LAMA2: variants seen among roughly 807,000 people sequenced by gnomAD.
The protein encoded by LAMA2 is laminin subunit alpha-2.
Under a neutral mutation model 364.8 loss-of-function variants are expected in LAMA2, and 269 were observed. That is an observed-to-expected ratio of 0.74 (90% CI 0.67 to 0.82). The LOEUF (loss-of-function observed/expected upper bound fraction) is 0.82. Among genes scored for constraint, LAMA2 ranks in the 40% least tolerant of loss-of-function variants. LAMA2 has a pLI of 0.00. For missense variants in LAMA2, 3,807 were observed against 3,873.2 expected (o/e 0.98, Z 0.45); for synonymous variants, 1,379 against 1,370.6 (o/e 1.01, Z -0.14).
At chr6:129,237,736 A>G (rs77108092) in intron 12 of LAMA2, among the ~76,000 whole-genome samples, 3,625 of 152,242 alleles carry the variant, frequency 0.024, 142 homozygotes, top group African/African-American at 0.083. Flanking sequence ...TTTAACAGAT[A>G]TTGCCAAATT....
chr6:129,022,401 C>T (rs1288870796), intron 1 of LAMA2, among the ~76,000 whole-genome samples: 1 of 152,110 alleles, frequency 6.6e-6, no homozygotes, highest in Admixed American at 6.6e-5. Flanking sequence ...TTGGCAGGCT[C>T]TCATTGTGTA....
intron 1 of LAMA2, among the ~76,000 whole-genome samples, chr6:128,971,081 C>A (rs1040093381): frequency 2.0e-5 from 3 of 152,142 alleles, no homozygotes; most frequent in African/African-American, 7.2e-5. Context: ...TTAGCTTTGA[C>A]CATCAAGAAG....
intron 12 of LAMA2, among the ~76,000 whole-genome samples, chr6:129,221,422 A>G (rs1356175549): frequency 1.3e-5 from 2 of 151,662 alleles, no homozygotes; most frequent in Non-Finnish European, 2.9e-5. Context: ...AAAATCAACA[A>G]TAAACATTTT....
rs116838228 is a variant in LAMA2, at chr6:129,453,222, G to A, written c.6573+91G>A. 708 of 1,201,478 alleles carry A rather than the reference G, an allele frequency of 5.9e-4. 5 individuals are homozygous for A. In the African/African-American group the frequency reaches 9.3e-3, roughly 16 times the overall value. 74.4% of individuals were successfully genotyped at this position (1,201,478 alleles called of 1,614,324 possible). A position where few individuals can be genotyped will look rare whatever the true frequency, so the allele number is the denominator to read the frequency against. On this transcript the variant is annotated intron_variant, in intron 46 of 64. Coordinates refer to ENST00000421865, the MANE Select transcript of LAMA2 (RefSeq NM_000426.4). ...TGTATAGAATCCCCAAATGTATATG[G>A]TCCCCAAATGGTCTAACGTAGGCTT...
chr6:129,063,712 A>G (rs544678243), intron 3 of LAMA2, among the ~76,000 whole-genome samples: 1 of 152,280 alleles, frequency 6.6e-6, no homozygotes, highest in African/African-American at 2.4e-5. Context: ...ACAGCTACAG[A>G]GATCACACTC....
At chr6:128,943,604 A>G (rs918173978) in intron 1 of LAMA2, among the ~76,000 whole-genome samples, 1 of 152,096 alleles carries the variant, frequency 6.6e-6, no homozygotes, top group African/African-American at 2.4e-5. Context: ...TCGTCCATAT[A>G]TTTTTGAAAA....
chr6:129,492,165 T>A (rs1228341633), intron 57 of LAMA2, 88 bp downstream of exon 57: 7 of 1,408,700 alleles, frequency 5.0e-6, no homozygotes. Flanking sequence ...TGTCTACAGC[T>A]ATGCAGGGGA....
At chr6:129,337,871 A>G (rs1163381353) in intron 29 of LAMA2, among the ~76,000 whole-genome samples, 10 of 152,266 alleles carry the variant, frequency 6.6e-5, no homozygotes, top group East Asian at 1.9e-4. Flanking sequence ...TAATTTTTAT[A>G]TAAGAAAAAA....
rs571161334 is a variant in LAMA2, at chr6:129,063,313, T to C, written c.396+3417T>C. ...AATTGCGAACAAAAATATACAACAA[T>C]TTAAAGGAGACAGTAATAGGGACTC... is the stretch of plus-strand genomic sequence containing the variant. On this transcript the variant is annotated intron_variant, in intron 3 of 64. Transcript: ENST00000421865. Among the ~76,000 whole-genome samples the C allele has an allele frequency of 1.1e-4, 17 of 152,212 alleles. No individual in the cohort carries two copies. The South Asian group carries it at 3.1e-3, about 28-fold the overall frequency.
chr6:129,502,717 T>C lies in LAMA2; in HGVS notation c.8303T>C (p.Leu2768Pro). ...TTGATAGGGAGCAAGCAGTTCGGGC[T>C]TTCAAGAAACAGTCACATTGCAATT... The part of the protein sequence containing the change: ...ALLIGSKQFG[L>P]SRNSHIAIAF... The change falls in exon 59 of 65, where the codon CTT becomes CCT. Residue 2768 changes from leucine to proline, a missense_variant. Around this residue, in one of 3 missense-constraint regions of LAMA2, gnomAD observed 3,333 missense variants for 3,345.7 expected, o/e 1.00. Transcript: ENST00000421865. 6.2e-7 allele frequency: 1 copy of C among 1,614,078 alleles called. No homozygotes were observed. Among genetic ancestry groups the C allele is most frequent in the Non-Finnish European group, 8.5e-7 (1 of 1,179,958 alleles).
chr6:129,475,419 G>A lies in LAMA2; in HGVS notation c.7451+18G>A. On this transcript the variant is annotated intron_variant, in intron 53 of 64. Transcript: ENST00000421865. ...AAAGCAAGGTAAAATTTAAATTTAT[G>A]CATGCCTTCTTCGAGTGCATGGGTT... 6.4e-7 allele frequency: 1 copy of A among 1,567,550 alleles called. No homozygotes were observed. The highest frequency in any genetic ancestry group is 2.3e-5 in the East Asian group (1 of 44,286).
rs1789396459 is a variant in LAMA2, at chr6:129,287,978, A to C, written c.2669A>C (p.Lys890Thr). The C allele has an allele frequency of 6.2e-7, 1 of 1,613,968 alleles. No homozygotes were observed. Among genetic ancestry groups the C allele is most frequent in the African/African-American group, 1.3e-5 (1 of 74,910 alleles). The change falls in exon 19 of 65, where the codon AAA becomes ACA. Residue 890 changes from lysine to threonine, a missense_variant. By Grantham distance (78) the Lys-to-Thr change is moderately conservative. Coordinates refer to ENST00000421865, the MANE Select transcript of LAMA2 (RefSeq NM_000426.4). ...TTGTCTGGCTCCTGTCTGATATGTA[A>C]ACCAGGTACAACAGGCCGGTACTGT... ...DSLSGSCLIC[K>T]PGTTGRYCEL...
Position 129,366,244 on chromosome 6 carries a change from T to C in LAMA2, c.4743T>C (p.Leu1581=), listed in dbSNP as rs1777767528. 6.2e-7 allele frequency: 1 copy of C among 1,613,838 alleles called. No homozygotes were observed. The highest frequency in any genetic ancestry group is 1.1e-5 in the South Asian group (1 of 91,050). The change falls in exon 33 of 65, where the codon CTT becomes CTC. Residue 1581 remains leucine, a synonymous_variant. Transcript: ENST00000421865. ...CVFCGDECTG[L]LLGDLARLEQ... is the part of the protein sequence containing the mutation. ...TTTGTGGAGATGAGTGCACTGGCCT[T>C]CTTCTCGGTGACTTGGCTCGCCTGG...
intron 3 of LAMA2, among the ~76,000 whole-genome samples, chr6:129,078,055 AC>A (rs1773771011): frequency 1.3e-5 from 2 of 152,054 alleles, no homozygotes; most frequent in African/African-American, 4.8e-5. Context: ...TTACAAATGT[AC>A]TACTCTACTG....
chr6:129,058,257 C>G (rs755956143), intron 2 of LAMA2, among the ~76,000 whole-genome samples: 1 of 152,116 alleles, frequency 6.6e-6, no homozygotes, highest in Non-Finnish European at 1.5e-5. Flanking sequence ...GACTGGGAAC[C>G]AAAATGCAAT....
intron 1 of LAMA2, among the ~76,000 whole-genome samples, chr6:128,932,049 A>C (rs190293023): frequency 1.9e-3 from 295 of 152,332 alleles, no homozygotes; most frequent in African/African-American, 6.7e-3. Flanking sequence ...AAAAGGAAAA[A>C]AACCTCTCAC....
chr6:128,908,388 A>G (rs1288091822), intron 1 of LAMA2, among the ~76,000 whole-genome samples: 2 of 150,386 alleles, frequency 1.3e-5, no homozygotes, highest in African/African-American at 4.9e-5. Flanking sequence ...CGAGGAATTT[A>G]TCCATTTCTT....
Position 129,402,353 on chromosome 6 carries a change from A to T in LAMA2, c.5592A>T (p.Pro1864=). ...TTGAAGACATCCAAACTAAATTGCC[A>T]CCTATGTCTGAGGAGCTTAATGATA... ...DYVEDIQTKL[P]PMSEELNDKI... is the part of the protein sequence containing the mutation. Residue 1864 remains proline, a synonymous_variant, in exon 39 of 65, where the codon CCA becomes CCT. Coordinates refer to ENST00000421865, the MANE Select transcript of LAMA2 (RefSeq NM_000426.4). 6.2e-7 allele frequency: 1 copy of T among 1,613,978 alleles called. No individual in the cohort carries two copies. The highest frequency in any genetic ancestry group is 1.1e-5 in the South Asian group (1 of 91,074).
Position 129,473,315 on chromosome 6 carries a change from A to G in LAMA2, c.7402A>G (p.Ile2468Val). 6.2e-7 allele frequency: 1 copy of G among 1,612,676 alleles called. No individual in the cohort carries two copies. The highest frequency in any genetic ancestry group is 8.5e-7 in the Non-Finnish European group (1 of 1,179,050). ...FGLDLKADDKIYFGGLPTLRN... is the reference protein window; with the variant it reads ...FGLDLKADDKVYFGGLPTLRN... ...TCTTGACTTGAAAGCAGATGACAAA[A>G]TATATTTTGGTGGCCTGCCAACGCT... The change falls in exon 52 of 65, where the codon ATA (isoleucine) becomes GTA (valine). Residue 2468 changes from isoleucine (I) to valine (V), a missense_variant. Transcript: ENST00000421865.
Sources: gnomAD v4.1 joint callset for allele counts (sites outside exome capture counted in the v4.1 genomes callset) on GRCh38, gnomAD v4.1.1 for gene constraint, gnomAD v4.1.1 regional missense constraint, MANE v1.5 for transcripts, NCBI Gene and HGNC (gene_info 2026-07-23, HGNC 2026-07-21) for gene names.